TRAPPC12: variants seen among roughly 807,000 people sequenced by gnomAD.
TRAPPC12 encodes the protein TPR repeat protein 15.
A neutral mutation model predicts 69.2 loss-of-function variants in TRAPPC12; 61 were observed. The ratio of observed to expected loss-of-function variants is 0.88; its 90% CI spans 0.72 to 1.09. The LOEUF (loss-of-function observed/expected upper bound fraction) is 1.09. Among genes scored for constraint, TRAPPC12 ranks in the 50% least tolerant of loss-of-function variants. TRAPPC12 has a pLI of 0.00. For missense variants in TRAPPC12, 1,101 were observed against 1,016.4 expected (o/e 1.08, Z -1.13); for synonymous variants, 469 against 438.9 (o/e 1.07, Z -0.86).
At chr2:3,470,828 A>G (rs987139781) in intron 9 of TRAPPC12, among the ~76,000 whole-genome samples, 3 of 152,266 alleles carry the variant, frequency 2.0e-5, no homozygotes, top group Non-Finnish European at 4.4e-5. Flanking sequence ...AAAACAAAAT[A>G]TGCAGACACC....
chr2:3,442,780 G>A (rs1664290335), intron 5 of TRAPPC12, among the ~76,000 whole-genome samples: 1 of 152,202 alleles, frequency 6.6e-6, no homozygotes, highest in Admixed American at 6.5e-5. Context: ...ACAGATGGAT[G>A]CATTGAGGCA....
In TRAPPC12 at chr2:3,387,962, G is replaced by C; in HGVS notation, c.339G>C (p.Glu113Asp). 6 of 1,480,322 alleles carry C rather than the reference G, an allele frequency of 4.1e-6. No homozygotes were observed. The highest frequency in any genetic ancestry group is 4.0e-5 in the South Asian group (3 of 75,770). The allele number at this position is 1,480,322 out of a possible 1,614,324, so 91.7% of individuals were successfully genotyped here. The change falls in exon 2 of 12, where the codon GAG (glutamate) becomes GAC (aspartate). Residue 113 changes from glutamate to aspartate, a missense_variant. Coordinates refer to ENST00000324266, the MANE Select transcript of TRAPPC12 (RefSeq NM_016030.6). ...CGGGCACCCCGAGTCCCAGCGGCGA[G>C]GCCGACGGCGACTGTGCCCCCGAGG... ...EPAGTPSPSG[E>D]ADGDCAPEDA...
chr2:3,381,601 T>C lies in TRAPPC12; in HGVS notation c.-5+1725T>C, dbSNP rs1373404410. ...GCCAATGATAGGAGGGAGTAAAGAT[T>C]TCTATCACGTACAAATCAAGAACAG... On this transcript the variant is annotated intron_variant, in intron 1 of 11. Transcript: ENST00000324266. Among the ~76,000 whole-genome samples, 11 of 152,292 alleles carry C rather than the reference T, an allele frequency of 7.2e-5. No homozygotes were observed. The South Asian group carries it at 1.7e-3, about 23-fold the overall frequency.
Position 3,477,789 on chromosome 2 carries a change from T to A in TRAPPC12, c.1871T>A (p.Met624Lys). The A allele has an allele frequency of 6.3e-7, 1 of 1,583,100 alleles. No individual in the cohort carries two copies. The highest frequency in any genetic ancestry group is 8.6e-7 in the Non-Finnish European group (1 of 1,162,670). Residue 624 changes from methionine to lysine, a missense_variant, in exon 10 of 12, where the codon ATG becomes AAG. Physicochemically the swap from Met to Lys is moderately conservative, Grantham distance 95. Coordinates refer to ENST00000324266, the MANE Select transcript of TRAPPC12 (RefSeq NM_016030.6). The part of the protein sequence containing the change: ...DGLQGKIMVL[M>K]NSAFLHLGQN... ...CTACAGGGTAAAATCATGGTTTTGA[T>A]GAACAGGTAAATATTTTAAAACTAA...
intron 3 of TRAPPC12, among the ~76,000 whole-genome samples, chr2:3,417,583 G>C (rs11678095): frequency 0.026 from 3,958 of 152,202 alleles, 182 homozygotes; most frequent in African/African-American, 0.09. Flanking sequence ...CTCTTCGTCG[G>C]CCTTGTGTCC....
chr2:3,408,909 C>G (rs1661878712), intron 3 of TRAPPC12, among the ~76,000 whole-genome samples: 2 of 152,216 alleles, frequency 1.3e-5, no homozygotes, highest in African/African-American at 4.8e-5. Flanking sequence ...CCCTGGATAT[C>G]CCACACGTGC....
Position 3,415,780 on chromosome 2 carries a change from G to C in TRAPPC12, c.1165-6101G>C, listed in dbSNP as rs556622331. On this transcript the variant is annotated intron_variant, in intron 3 of 11. Coordinates refer to ENST00000324266, the MANE Select transcript of TRAPPC12 (RefSeq NM_016030.6). ...TGCCCAGGCTGGAGTACAGTGGTGC[G>C]ATCTCAGCTCACTGCAAGCTCCACC... Among the ~76,000 whole-genome samples the C allele has an allele frequency of 2.9e-4, 43 of 149,432 alleles. 1 individual carries two copies. In the South Asian group the frequency reaches 8.4e-3, roughly 29 times the overall value.
chr2:3,439,599 A>G (rs544063938), intron 5 of TRAPPC12, among the ~76,000 whole-genome samples: 14 of 152,140 alleles, frequency 9.2e-5, no homozygotes, highest in Non-Finnish European at 1.9e-4. Context: ...TCTTTATCAG[A>G]TAGGTGTTTT....
At chr2:3,386,000 A>AT (rs1660473246) in intron 1 of TRAPPC12, among the ~76,000 whole-genome samples, 1 of 152,188 alleles carries the variant, frequency 6.6e-6, no homozygotes, top group Non-Finnish European at 1.5e-5. Flanking sequence ...TTTTCATTGG[A>AT]TTTTTTATTC....
In TRAPPC12 at chr2:3,390,656, C is replaced by T. The variant is rs987670746; in HGVS notation, c.1047+1986C>T. ...AACTATTCCGTGTGATACTTTAATG[C>T]TGGGTACATGTTGTTATTTATTTTA... On this transcript the variant is annotated intron_variant, in intron 2 of 11. Transcript: ENST00000324266. Among the ~76,000 whole-genome samples the T allele has an allele frequency of 2.0e-5, 3 of 152,134 alleles. No homozygotes were observed. In the East Asian group the frequency reaches 5.8e-4, roughly 29 times the overall value.
intron 11 of TRAPPC12, 76 bp from the exon 12 acceptor site, chr2:3,479,143 C>G: frequency 3.2e-6 from 5 of 1,569,428 alleles, no homozygotes; most frequent in Non-Finnish European, 3.5e-6. Flanking sequence ...CCTAACACGG[C>G]CCAGCACGCA....
intron 1 of TRAPPC12, among the ~76,000 whole-genome samples, chr2:3,386,238 G>C (rs1314797306): frequency 6.6e-6 from 1 of 152,100 alleles, no homozygotes; most frequent in African/African-American, 2.4e-5. Flanking sequence ...GGTACGTGTT[G>C]TTTTATTCTG....
rs748634173 is a variant in TRAPPC12 at position 3,421,837 on chromosome 2, G to A, written c.1165-44G>A. On this transcript the variant is annotated intron_variant, in intron 3 of 11. Coordinates refer to ENST00000324266, the MANE Select transcript of TRAPPC12 (RefSeq NM_016030.6). ...GCGTTTGGGTCATGGATTCCACCAT[G>A]CCTTGCATGTGTGTTTGGTCACATG... The A allele has an allele frequency of 2.6e-6, 4 of 1,555,054 alleles. No individual in the cohort carries two copies. In the Admixed American group the frequency reaches 6.7e-5, roughly 26 times the overall value.
chr2:3,395,445 T>C (rs1661074422), intron 2 of TRAPPC12, among the ~76,000 whole-genome samples: 1 of 152,022 alleles, frequency 6.6e-6, no homozygotes, highest in Non-Finnish European at 1.5e-5. Flanking sequence ...TTTACTATTC[T>C]ATGTCTTGTT....
At chr2:3,383,696 C>T (rs1660339084) in intron 1 of TRAPPC12, among the ~76,000 whole-genome samples, 1 of 151,924 alleles carries the variant, frequency 6.6e-6, no homozygotes, top group Admixed American at 6.6e-5. Context: ...TGAGCCACCG[C>T]ACCCGGCCTT....
Position 3,388,373 on chromosome 2 carries a change from C to T in TRAPPC12, c.750C>T (p.Pro250=). 2 of 1,600,412 alleles carry T rather than the reference C, an allele frequency of 1.2e-6. No individual in the cohort carries two copies. The highest frequency in any genetic ancestry group is 1.7e-6 in the Non-Finnish European group (2 of 1,174,182). ...CCCCGGCCCCCGCCAGCCCGCCTCC[C>T]CTCGCTGTGCCCGGGACCGAGGGGC... The part of the protein sequence containing the change: ...AGSPAPASPP[P]LAVPGTEGRP... Residue 250 remains proline, a synonymous_variant, in exon 2 of 12, where the codon CCC becomes CCT. Coordinates refer to ENST00000324266, the MANE Select transcript of TRAPPC12 (RefSeq NM_016030.6).
rs986996925 is a variant in TRAPPC12 at position 3,414,959 on chromosome 2, A to C, written c.1165-6922A>C. ...AGTGAGGTATGCACAGCAACCTTTC[A>C]GCTGTGGTTGGTTGAATCCACGCGT... On this transcript the variant is annotated intron_variant, in intron 3 of 11. Coordinates refer to ENST00000324266, the MANE Select transcript of TRAPPC12 (RefSeq NM_016030.6). The surrounding 1 kb of genome is among the most constrained non-coding windows in gnomAD (Gnocchi z 4.9). 1.3e-5 allele frequency among the ~76,000 whole-genome samples: 2 copies of C among 152,140 alleles called. No homozygotes were observed. Among genetic ancestry groups the C allele is most frequent in the Non-Finnish European group, 2.9e-5 (2 of 68,036 alleles).
rs987020843 is a variant in TRAPPC12, at chr2:3,458,490, G to T, written c.1603+797G>T. 4 of 978,274 alleles carry T rather than the reference G, an allele frequency of 4.1e-6. No individual in the cohort carries two copies. The African/African-American group carries it at 7.0e-5, about 17-fold the overall frequency. 60.6% of individuals were successfully genotyped at this position (978,274 alleles called of 1,614,324 possible). ...TGCTGGGGTTTCTGGGGAACTGCTG[G>T]CTGGTGTGAGCTGAACGTGTGTGAG... On this transcript the variant is annotated intron_variant, in intron 7 of 11. Coordinates refer to ENST00000324266, the MANE Select transcript of TRAPPC12 (RefSeq NM_016030.6).
At chr2:3,460,683 T>C in intron 8 of TRAPPC12, 1 of 245,420 alleles carries the variant, frequency 4.1e-6, no homozygotes, top group East Asian at 9.0e-5. Context: ...GGAGGGTGTT[T>C]TTTTCACCTC....
Sources: gnomAD v4.1 joint callset for allele counts (sites outside exome capture counted in the v4.1 genomes callset) on GRCh38, gnomAD v4.1.1 for gene constraint, Gnocchi (gnomAD v3.1) non-coding constraint, MANE v1.5 for transcripts, NCBI Gene and HGNC (gene_info 2026-07-23, HGNC 2026-07-21) for gene names.